Variants in ANKRD11 observed in about 807,000 individuals in gnomAD.
The protein encoded by ANKRD11 is ankyrin repeat domain-containing protein 11.
ANKRD11 carries 17 observed loss-of-function variants against 195.7 expected under a neutral mutation model. The observed-to-expected ratio is 0.09, with a 90% CI of 0.06 to 0.13. The LOEUF is 0.13. ANKRD11 is among the 10% of genes least tolerant of loss of function. The pLI is 1.00. For missense variants in ANKRD11, 3,735 were observed against 3,566.1 expected, an observed-to-expected ratio of 1.05 and a Z score of -1.21; for synonymous variants, 1,953 against 1,528.1, an observed-to-expected ratio of 1.28 and a Z score of -6.49.
At chr16:89,367,383 G>C (rs2039994073) in intron 2 of ANKRD11, among the ~76,000 whole-genome samples, 2 of 152,200 alleles carry the variant, frequency 1.3e-5, no homozygotes. Context: ...TTCCACTGGG[G>C]AAAGGCCGGG....
rs778726288 is a variant in ANKRD11 at position 89,279,750 on chromosome 16, G to A, written c.6792C>T (p.Pro2264=). 6.6e-5 allele frequency: 100 copies of A among 1,524,038 alleles called. No individual in the cohort carries two copies. The highest frequency in any genetic ancestry group is 8.1e-5 in the Non-Finnish European group (92 of 1,138,994). 94.4% of individuals were successfully genotyped at this position (1,524,038 alleles called of 1,614,324 possible). Residue 2264 remains proline (P), a synonymous_variant, in exon 9 of 13, where the codon CCC becomes CCT. Coordinates refer to ENST00000301030, the MANE Select transcript of ANKRD11 (RefSeq NM_013275.6). The surrounding 1 kb of genome is among the most constrained non-coding windows in gnomAD (Gnocchi z 5.6). ...CGTCAGGGGCACAGAGGGACGCGGC[G>A]GGGGGGCCTTCAGCCTCAGCCCCCT... The part of the protein sequence containing the change: ...GDQGAEAEGP[P]AASLCAPDGP...
chr16:89,278,178 T>G (rs2033823104), intron 9 of ANKRD11: 3 of 298,982 alleles, frequency 1.0e-5, no homozygotes, highest in South Asian at 8.7e-5. Context: ...TGGGGCTGGA[T>G]GGACCCTGGG....
chr16:89,286,508 G>A, intron 7 of ANKRD11: 1 of 530,246 alleles, frequency 1.9e-6, no homozygotes, highest in South Asian at 2.0e-5. Context: ...CGACTTCCCA[G>A]GAATCTTCTC....
At chr16:89,345,094 G>A (rs889122642) in intron 2 of ANKRD11, among the ~76,000 whole-genome samples, 9 of 152,042 alleles carry the variant, frequency 5.9e-5, no homozygotes, top group Admixed American at 2.0e-4. Flanking sequence ...CTTAAAAACT[G>A]CTTCACGGCC....
intron 1 of ANKRD11, among the ~76,000 whole-genome samples, chr16:89,445,993 T>A (rs2965943): frequency 0.59 from 77,376 of 131,782 alleles, 20,370 homozygotes; most frequent in Middle Eastern, 0.73. Context: ...AAAAAAAAAA[T>A]TTTTTGTTAA....
Position 89,282,600 on chromosome 16 carries a change from C to A in ANKRD11, c.3942G>T (p.Glu1314Asp), listed in dbSNP as rs767698081. 30 of 1,614,210 alleles carry A rather than the reference C, an allele frequency of 1.9e-5. No homozygotes were observed. The highest frequency in any genetic ancestry group is 1.7e-4 in the Middle Eastern group (1 of 6,060). Residue 1314 changes from glutamate (E) to aspartate (D), a missense_variant, in exon 9 of 13, where the codon GAG becomes GAT. Transcript: ENST00000301030. ...SSDSFTDRGQ[E>D]PGLTAFLEVS... Reference sequence around the variant, plus strand: ...CCTCCAGGAAGGCAGTCAGCCCCGGCTCCTGCCCTCGGTCCGTGAAGCTGT... The same window carrying A: ...CCTCCAGGAAGGCAGTCAGCCCCGGATCCTGCCCTCGGTCCGTGAAGCTGT...
intron 1 of ANKRD11, among the ~76,000 whole-genome samples, chr16:89,474,568 G>C (rs1327138564): frequency 6.6e-6 from 1 of 151,876 alleles, no homozygotes; most frequent in Non-Finnish European, 1.5e-5. Flanking sequence ...AATAATGACT[G>C]GTTGCCAGAA....
chr16:89,286,306 C>T (rs773099720), intron 7 of ANKRD11, 120 bp from the exon 8 acceptor site: 101 of 1,415,486 alleles, frequency 7.1e-5, no homozygotes, highest in Admixed American at 1.4e-4. Flanking sequence ...CAGCCCCTCA[C>T]GGTCTGAGGG....
chr16:89,346,076 C>T (rs113167301), intron 2 of ANKRD11, among the ~76,000 whole-genome samples: 3,147 of 151,308 alleles, frequency 0.021, 89 homozygotes, highest in African/African-American at 0.072. Context: ...ACCCTGTCTC[C>T]ACTAACAACA....
At chr16:89,478,186 C>T (rs1372861681) in intron 1 of ANKRD11, among the ~76,000 whole-genome samples, 1 of 152,182 alleles carries the variant, frequency 6.6e-6, no homozygotes, top group Non-Finnish European at 1.5e-5. Flanking sequence ...CCAGCTGCCT[C>T]GCCAGCAGCA....
intron 2 of ANKRD11, among the ~76,000 whole-genome samples, chr16:89,405,616 G>C (rs1261239112): frequency 6.6e-6 from 1 of 151,528 alleles, no homozygotes; most frequent in Non-Finnish European, 1.5e-5. Flanking sequence ...TTACAGGCCT[G>C]AGCCGCCATG....
At chr16:89,351,776 T>C (rs1467472042) in intron 2 of ANKRD11, among the ~76,000 whole-genome samples, 1 of 152,228 alleles carries the variant, frequency 6.6e-6, no homozygotes, top group African/African-American at 2.4e-5. Context: ...AAGGTCCAAG[T>C]TTCTTTCTGA....
chr16:89,432,217 G>A (rs943696734), intron 1 of ANKRD11, among the ~76,000 whole-genome samples: 11 of 145,824 alleles, frequency 7.5e-5, no homozygotes, highest in Non-Finnish European at 1.5e-4. Flanking sequence ...ATATATTCAT[G>A]TTGTACATCG....
At chr16:89,370,191 G>A (rs955326941) in intron 2 of ANKRD11, among the ~76,000 whole-genome samples, 2 of 152,368 alleles carry the variant, frequency 1.3e-5, no homozygotes, top group East Asian at 3.9e-4. Context: ...CCCTGGAGCT[G>A]GGGTGGAGCT....
intron 2 of ANKRD11, among the ~76,000 whole-genome samples, chr16:89,366,129 CA>C (rs71387689): frequency 0.02 from 1,202 of 60,432 alleles, 10 homozygotes; most frequent in African/African-American, 0.059. Flanking sequence ...GACTCCATCT[CA>C]AAAAAAAAAA....
At chr16:89,375,318 G>A (rs531483350) in intron 2 of ANKRD11, among the ~76,000 whole-genome samples, 1 of 152,338 alleles carries the variant, frequency 6.6e-6, no homozygotes, top group Non-Finnish European at 1.5e-5. Flanking sequence ...GCTAGTTGCG[G>A]TAGCATGGGC....
intron 2 of ANKRD11, among the ~76,000 whole-genome samples, chr16:89,391,529 G>C (rs550349635): frequency 6.6e-6 from 1 of 152,178 alleles, no homozygotes; most frequent in African/African-American, 2.4e-5. Flanking sequence ...TGCGTTTTCT[G>C]TGTTGACTGT....
At chr16:89,478,731 A>G (rs1320829426) in intron 1 of ANKRD11, among the ~76,000 whole-genome samples, 1 of 152,240 alleles carries the variant, frequency 6.6e-6, no homozygotes, top group Non-Finnish European at 1.5e-5. Context: ...TCTGCCCGTG[A>G]CATTTCTCAT....
chr16:89,455,302 C>T lies in ANKRD11; in HGVS notation c.-145+34943G>A, dbSNP rs74613591. On this transcript the variant is annotated intron_variant, in intron 1 of 12. Transcript: ENST00000301030. ...GCTTCTAGCGTTCCTCAAGCTGCTT[C>T]CCTGGGTGCTTCTAGGGTTCCTCAA... is the stretch of plus-strand genomic sequence containing the variant. Among the ~76,000 whole-genome samples, 317 of 151,688 alleles carry T rather than the reference C, an allele frequency of 2.1e-3. 8 individuals are homozygous for T. In the East Asian group the frequency reaches 0.056, roughly 27 times the overall value.
Sources: gnomAD v4.1 joint callset for allele counts (sites outside exome capture counted in the v4.1 genomes callset) on GRCh38, gnomAD v4.1.1 for gene constraint, Gnocchi (gnomAD v3.1) non-coding constraint, MANE v1.5 for transcripts, NCBI Gene and HGNC (gene_info 2026-07-23, HGNC 2026-07-21) for gene names.